Variants in STAT4 observed in about 807,000 individuals in gnomAD.
STAT4 encodes the protein signal transducer and activator of transcription 4.
Under a neutral mutation model 110.5 loss-of-function variants are expected in STAT4, and 42 were observed. The observed-to-expected ratio is 0.38, with a 90% CI of 0.30 to 0.49. The LOEUF (loss-of-function observed/expected upper bound fraction) is 0.49. Among genes scored for constraint, STAT4 ranks in the 20% least tolerant of loss-of-function variants. The pLI is 0.95. For missense variants in STAT4, 632 were observed against 887.9 expected, an observed-to-expected ratio of 0.71 and a Z score of 3.66; for synonymous variants, 284 against 302.2, an observed-to-expected ratio of 0.94 and a Z score of 0.63.
Position 191,031,370 on chromosome 2 carries a change from T to A in STAT4, c.2111+80A>T. ...CATTACAATGCTTTGTTCTCAGTTA[T>A]GTGTACTCTGCTCTACCTTTAAATC... is the stretch of plus-strand genomic sequence containing the variant. On this transcript the variant is annotated intron_variant, in intron 22 of 23. Coordinates refer to ENST00000392320, the MANE Select transcript of STAT4 (RefSeq NM_003151.4). This position sits in a 1 kb window ranked among gnomAD's most constrained non-coding sequence, Gnocchi z 4.8. 1.4e-6 allele frequency: 2 copies of A among 1,382,658 alleles called. No homozygotes were observed. Among genetic ancestry groups the A allele is most frequent in the Non-Finnish European group, 2.0e-6 (2 of 996,428 alleles). The allele number at this position is 1,382,658 out of a possible 1,614,324, so 85.6% of individuals were successfully genotyped here. A position where few individuals can be genotyped will look rare whatever the true frequency, so the allele number is the denominator to read the frequency against.
At chr2:191,097,957 T>C (rs1283531927) in intron 3 of STAT4, among the ~76,000 whole-genome samples, 3 of 150,796 alleles carry the variant, frequency 2.0e-5, no homozygotes, top group Non-Finnish European at 3.0e-5. Context: ...GCAAAGGATA[T>C]GAACAGACAC....
chr2:191,129,602 A>G (rs1698976530), intron 3 of STAT4, among the ~76,000 whole-genome samples: 3 of 152,210 alleles, frequency 2.0e-5, no homozygotes, highest in African/African-American at 7.2e-5. Context: ...ACTTTCCAAA[A>G]AAAAGGCGAT....
At chr2:191,148,825 G>A (rs1451184186) in intron 1 of STAT4, among the ~76,000 whole-genome samples, 1 of 152,096 alleles carries the variant, frequency 6.6e-6, no homozygotes, top group Non-Finnish European at 1.5e-5. Flanking sequence ...TTCTGAACCA[G>A]TGAATGTGTT....
chr2:191,093,697 G>C (rs913244827), intron 3 of STAT4, among the ~76,000 whole-genome samples: 4 of 152,210 alleles, frequency 2.6e-5, no homozygotes, highest in African/African-American at 9.6e-5. Flanking sequence ...AGGGATCACA[G>C]CTCCTTGCCA....
At position 191,104,663 on chromosome 2, in the gene STAT4, A is replaced by C. The variant is rs1698230101; in HGVS notation, c.274-28338T>G. ...CATCATCATCATTTTATAAAACATAAAACACTCCTCCCCATATGATTTGAA... is the reference window on the plus strand; with the variant it reads ...CATCATCATCATTTTATAAAACATACAACACTCCTCCCCATATGATTTGAA... On this transcript the variant is annotated intron_variant, in intron 3 of 23. Coordinates refer to ENST00000392320, the MANE Select transcript of STAT4 (RefSeq NM_003151.4). The surrounding 1 kb of genome is among the most constrained non-coding windows in gnomAD (Gnocchi z 4.3). 2.0e-5 allele frequency among the ~76,000 whole-genome samples: 3 copies of C among 152,244 alleles called. No homozygotes were observed. The highest frequency in any genetic ancestry group is 2.0e-4 in the Admixed American group (3 of 15,276).
At chr2:191,080,623 G>T (rs925008765) in intron 3 of STAT4, among the ~76,000 whole-genome samples, 1 of 152,084 alleles carries the variant, frequency 6.6e-6, no homozygotes, top group Non-Finnish European at 1.5e-5. Flanking sequence ...AAACATTAAA[G>T]AGTTGTAATA....
At chr2:191,109,015 T>C (rs1698354933) in intron 3 of STAT4, among the ~76,000 whole-genome samples, 1 of 152,248 alleles carries the variant, frequency 6.6e-6, no homozygotes, top group South Asian at 2.1e-4. Context: ...TAGCTTTATT[T>C]ACTTTCCTAT....
At chr2:191,041,258 T>C (rs1183545250) in intron 14 of STAT4, 110 bp from the exon 15 acceptor site, 1 of 432,844 alleles carries the variant, frequency 2.3e-6, no homozygotes, top group African/African-American at 2.1e-5. Flanking sequence ...ATAAAGTAAA[T>C]ACCCCCAAAC....
At chr2:191,119,414 T>C (rs936245104) in intron 3 of STAT4, among the ~76,000 whole-genome samples, 6 of 151,888 alleles carry the variant, frequency 4.0e-5, no homozygotes, top group African/African-American at 1.5e-4. Flanking sequence ...TAGAATGGAG[T>C]AAGAATGGAA....
At position 191,112,209 on chromosome 2, in the gene STAT4, T is replaced by G. The variant is rs1286073672; in HGVS notation, c.273+34404A>C. Among the ~76,000 whole-genome samples, 1 of 152,116 alleles carries G rather than the reference T, an allele frequency of 6.6e-6. No homozygotes were observed. The highest frequency in any genetic ancestry group is 1.5e-5 in the Non-Finnish European group (1 of 68,002). On this transcript the variant is annotated intron_variant, in intron 3 of 23. Coordinates refer to ENST00000392320, the MANE Select transcript of STAT4 (RefSeq NM_003151.4). The surrounding 1 kb of genome is among the most constrained non-coding windows in gnomAD (Gnocchi z 4.3). ...TTTTGGAGAAATAAAAAGACAAAAT[T>G]TGGAGAAATTACCTACATGTATGTA...
In STAT4 at chr2:191,043,993, G is replaced by A. The variant is rs1358934286; in HGVS notation, c.1252-2845C>T. Among the ~76,000 whole-genome samples the A allele has an allele frequency of 6.6e-6, 1 of 150,996 alleles. No homozygotes were observed. Among genetic ancestry groups the A allele is most frequent in the Non-Finnish European group, 1.5e-5 (1 of 67,782 alleles). On this transcript the variant is annotated intron_variant, in intron 14 of 23. Transcript: ENST00000392320. The surrounding 1 kb of genome is among the most constrained non-coding windows in gnomAD (Gnocchi z 4.8). ...CAAAATTCAAGGCAATGGTTATTGG[G>A]AGGTGGGTGGGTACAGAGAGGAAAA...
rs1300170143 is a variant in STAT4, at chr2:191,066,729, T to C, written c.545-214A>G. 6.6e-6 allele frequency among the ~76,000 whole-genome samples: 1 copy of C among 152,162 alleles called. No homozygotes were observed. The highest frequency in any genetic ancestry group is 1.9e-4 in the East Asian group (1 of 5,204). ...AAAAAGGACCTCTTTATTTTAGAGC[T>C]TCAGGAAAAACCATTCTGCACTGGG... is the stretch of plus-strand genomic sequence containing the variant. On this transcript the variant is annotated intron_variant, in intron 6 of 23. Coordinates refer to ENST00000392320, the MANE Select transcript of STAT4 (RefSeq NM_003151.4). The surrounding 1 kb of genome is among the most constrained non-coding windows in gnomAD (Gnocchi z 4.3).
chr2:191,064,800 G>A lies in STAT4; in HGVS notation c.782+7C>T, dbSNP rs3024924. The A allele has an allele frequency of 5.2e-4, 828 of 1,605,040 alleles. 4 individuals are homozygous for A. In the African/African-American group the frequency reaches 6.6e-3, roughly 13 times the overall value. The stretch of plus-strand genomic sequence containing the variant: ...TTTCACTAGAAACTGCAGTCGATTC[G>A]TTTTACCAGTTCTGAAGCTGGTCGA... On this transcript the variant is annotated splice_region_variant and intron_variant, in intron 8 of 23. Coordinates refer to ENST00000392320, the MANE Select transcript of STAT4 (RefSeq NM_003151.4).
chr2:191,125,401 A>G (rs557753894), intron 3 of STAT4, among the ~76,000 whole-genome samples: 1 of 152,030 alleles, frequency 6.6e-6, no homozygotes, highest in South Asian at 2.1e-4. Context: ...TGACAGAAGT[A>G]GCCAATCAGA....
rs1162837653 is a variant in STAT4, at chr2:191,147,673, A to G, written c.128+403T>C. On this transcript the variant is annotated intron_variant, in intron 2 of 23. Coordinates refer to ENST00000392320, the MANE Select transcript of STAT4 (RefSeq NM_003151.4). This position sits in a 1 kb window ranked among gnomAD's most constrained non-coding sequence, Gnocchi z 4.1. ...GTAAATTTTATGTTATGTGTATTTT[A>G]CCACAATAAAAAAGATGGCTGAAAA... 6.6e-6 allele frequency among the ~76,000 whole-genome samples: 1 copy of G among 152,186 alleles called. No homozygotes were observed. The highest frequency in any genetic ancestry group is 2.4e-5 in the African/African-American group (1 of 41,450).
chr2:191,088,120 T>C (rs1305348755), intron 3 of STAT4, among the ~76,000 whole-genome samples: 3 of 152,276 alleles, frequency 2.0e-5, no homozygotes, highest in Non-Finnish European at 2.9e-5. Context: ...ACAGGTGAAT[T>C]GTCCACATGT....
Position 191,143,608 on chromosome 2 carries a change from C to G in STAT4, c.273+3005G>C, listed in dbSNP as rs1164553575. ...TAATATAAATAATAAAATACTGAAA[C>G]TAGAGATCTCAGCTGTTCTATAAAG... On this transcript the variant is annotated intron_variant, in intron 3 of 23. Coordinates refer to ENST00000392320, the MANE Select transcript of STAT4 (RefSeq NM_003151.4). This position sits in a 1 kb window ranked among gnomAD's most constrained non-coding sequence, Gnocchi z 5.6. Among the ~76,000 whole-genome samples, 1 of 152,138 alleles carries G rather than the reference C, an allele frequency of 6.6e-6. No homozygotes were observed. The highest frequency in any genetic ancestry group is 1.5e-5 in the Non-Finnish European group (1 of 68,024).
In STAT4 at chr2:191,143,912, G is replaced by A. The variant is rs1053473039; in HGVS notation, c.273+2701C>T. Among the ~76,000 whole-genome samples, 5 of 152,032 alleles carry A rather than the reference G, an allele frequency of 3.3e-5. No homozygotes were observed. Among genetic ancestry groups the A allele is most frequent in the Non-Finnish European group, 5.9e-5 (4 of 68,000 alleles). Reference sequence around the variant, plus strand: ...TGGGATTATAGTAGGTTAAAAAGAAGCATAAAACTCAGGTTTGTTTAGGTG... The same window carrying A: ...TGGGATTATAGTAGGTTAAAAAGAAACATAAAACTCAGGTTTGTTTAGGTG... On this transcript the variant is annotated intron_variant, in intron 3 of 23. Transcript: ENST00000392320. This position sits in a 1 kb window ranked among gnomAD's most constrained non-coding sequence, Gnocchi z 5.6.
In STAT4 at chr2:191,147,274, T is replaced by C. The variant is rs140277844; in HGVS notation, c.129-517A>G. On this transcript the variant is annotated intron_variant, in intron 2 of 23. Coordinates refer to ENST00000392320, the MANE Select transcript of STAT4 (RefSeq NM_003151.4). This position sits in a 1 kb window ranked among gnomAD's most constrained non-coding sequence, Gnocchi z 4.1. ...CCCAAATGTCCATTGACAGATACAT[T>C]TATAAAACAAAATGTGATATATACA... is the stretch of plus-strand genomic sequence containing the variant. 6.6e-6 allele frequency among the ~76,000 whole-genome samples: 1 copy of C among 152,262 alleles called. No individual in the cohort carries two copies. Among genetic ancestry groups the C allele is most frequent in the Admixed American group, 6.5e-5 (1 of 15,298 alleles).
Sources: allele counts gnomAD v4.1 joint callset (sites outside exome capture counted in the v4.1 genomes callset), GRCh38; gene constraint gnomAD v4.1.1; non-coding constraint Gnocchi (gnomAD v3.1); transcripts MANE v1.5; gene names NCBI Gene and HGNC (gene_info 2026-07-23, HGNC 2026-07-21).